The following VMP1 variants were observed in gnomAD, a reference collection of about 807,000 sequenced individuals.
VMP1 encodes ectopic P-granules autophagy protein 3 homolog.
VMP1 carries 11 observed loss-of-function variants against 56.0 expected under a neutral mutation model. That is an observed-to-expected ratio of 0.20 (90% CI 0.12 to 0.32). The LOEUF (loss-of-function observed/expected upper bound fraction) is 0.32. Ranked by LOEUF, VMP1 falls within the 10% of genes least tolerant of loss-of-function variation. The pLI, the probability that VMP1 is intolerant of heterozygous loss-of-function variation, is 1.00. For synonymous variants in VMP1, 149 were observed against 165.0 expected (o/e 0.90, Z 0.74); for missense variants, 296 against 490.3 (o/e 0.60, Z 3.74).
chr17:59,817,305 G>T (rs928609147), intron 9 of VMP1, among the ~76,000 whole-genome samples: 3 of 143,836 alleles, frequency 2.1e-5, no homozygotes, highest in Admixed American at 7.0e-5. Context: ...AAAAAAAAAA[G>T]GAATACAAAG....
At chr17:59,734,159 T>G (rs2034933708) in intron 2 of VMP1, among the ~76,000 whole-genome samples, 1 of 152,168 alleles carries the variant, frequency 6.6e-6, no homozygotes, top group East Asian at 1.9e-4. Context: ...CTACAAAAGA[T>G]TCTGATGTTT....
intron 3 of VMP1, 184 bp downstream of exon 3, chr17:59,735,657 A>G: frequency 1.6e-6 from 1 of 628,428 alleles, no homozygotes; most frequent in Non-Finnish European, 2.6e-6. Flanking sequence ...AGGGAAAGAC[A>G]TTGCTATTTG....
chr17:59,791,090 G>A (rs888106297), intron 7 of VMP1, among the ~76,000 whole-genome samples: 9 of 151,236 alleles, frequency 6.0e-5, no homozygotes, highest in African/African-American at 1.9e-4. Flanking sequence ...CCACATAACT[G>A]TACTCATTTT....
At chr17:59,717,667 C>G (rs1349842380) in intron 1 of VMP1, among the ~76,000 whole-genome samples, 1 of 152,180 alleles carries the variant, frequency 6.6e-6, no homozygotes, top group African/African-American at 2.4e-5. Context: ...TGCCTGTAAT[C>G]CCAGCACTTT....
chr17:59,788,806 A>T (rs2037103674), intron 7 of VMP1, among the ~76,000 whole-genome samples: 1 of 146,850 alleles, frequency 6.8e-6, no homozygotes, highest in Non-Finnish European at 1.5e-5. Flanking sequence ...ACTCCATCTA[A>T]AAAAAAAAAA....
Position 59,841,411 on chromosome 17 carries a change from T to A in VMP1, c.*1500T>A, listed in dbSNP as rs2039152973. On this transcript the variant is annotated 3_prime_UTR_variant, in exon 12 of 12. Transcript: ENST00000262291. ...CATTACCCAGCATCATTGTTTATAATCAGAAACTCTGGTCCTTCTGTCTGG... is the reference window on the plus strand; with the variant it reads ...CATTACCCAGCATCATTGTTTATAAACAGAAACTCTGGTCCTTCTGTCTGG... 7.1e-6 allele frequency: 3 copies of A among 422,454 alleles called. No homozygotes were observed. Among genetic ancestry groups the A allele is most frequent in the Admixed American group, 4.1e-5 (2 of 48,414 alleles). 26.2% of individuals were successfully genotyped at this position (422,454 alleles called of 1,614,324 possible).
intron 10 of VMP1, among the ~76,000 whole-genome samples, chr17:59,824,681 TG>T (rs1041367173): frequency 4.0e-5 from 6 of 148,382 alleles, no homozygotes; most frequent in African/African-American, 1.5e-4. Context: ...AAGACCAGCC[TG>T]GCCAACATGG....
chr17:59,840,105 C>T lies in VMP1; in HGVS notation c.*194C>T, dbSNP rs541115112. 10 of 589,038 alleles carry T rather than the reference C, an allele frequency of 1.7e-5. No individual in the cohort carries two copies. Among genetic ancestry groups the T allele is most frequent in the Non-Finnish European group, 2.5e-5 (9 of 355,444 alleles). 36.5% of individuals were successfully genotyped at this position (589,038 alleles called of 1,614,324 possible). A position where few individuals can be genotyped will look rare whatever the true frequency, so the allele number is the denominator to read the frequency against. Reference sequence around the variant, plus strand: ...TGTGCTAAGGTAAGGTATCCACCCTCGATGCAATCCACCTTGTGTTTTCTT... The same window carrying T: ...TGTGCTAAGGTAAGGTATCCACCCTTGATGCAATCCACCTTGTGTTTTCTT... On this transcript the variant is annotated 3_prime_UTR_variant, in exon 12 of 12. Coordinates refer to ENST00000262291, the MANE Select transcript of VMP1 (RefSeq NM_030938.5).
At chr17:59,730,559 C>A (rs1476904662) in intron 1 of VMP1, among the ~76,000 whole-genome samples, 1 of 152,158 alleles carries the variant, frequency 6.6e-6, no homozygotes, top group Non-Finnish European at 1.5e-5. Context: ...GCCACTGCAC[C>A]CGGCCCCAGT....
intron 5 of VMP1, among the ~76,000 whole-genome samples, chr17:59,760,333 A>G (rs1212120321): frequency 6.6e-6 from 1 of 152,014 alleles, no homozygotes; most frequent in Non-Finnish European, 1.5e-5. Context: ...ACTTCCTCAT[A>G]TGTCGTAAAT....
At chr17:59,774,791 A>G (rs896417103) in intron 7 of VMP1, among the ~76,000 whole-genome samples, 9 of 152,062 alleles carry the variant, frequency 5.9e-5, no homozygotes, top group Admixed American at 2.0e-4. Flanking sequence ...AACATAGCTT[A>G]CTGCAGCTTC....
chr17:59,749,860 C>A, intron 5 of VMP1, among the ~76,000 whole-genome samples: 1 of 152,148 alleles, frequency 6.6e-6, no homozygotes, highest in Admixed American at 6.5e-5. Context: ...TGGCCCAGCC[C>A]GTCTACCCAC....
At chr17:59,801,221 A>G (rs1031483265) in intron 7 of VMP1, among the ~76,000 whole-genome samples, 7 of 148,342 alleles carry the variant, frequency 4.7e-5, no homozygotes, top group Non-Finnish European at 8.9e-5. Flanking sequence ...TTATATATTT[A>G]CTATACTATA....
intron 7 of VMP1, among the ~76,000 whole-genome samples, chr17:59,776,845 T>C (rs2036634954): frequency 1.3e-5 from 2 of 152,250 alleles, no homozygotes; most frequent in Admixed American, 6.5e-5. Flanking sequence ...ATTTTTTTGC[T>C]ATGACTTGGA....
intron 5 of VMP1, among the ~76,000 whole-genome samples, chr17:59,757,159 T>C (rs1458479037): frequency 6.6e-6 from 1 of 152,138 alleles, no homozygotes; most frequent in Non-Finnish European, 1.5e-5. Flanking sequence ...GGCACAAGGA[T>C]TTCTTTCTCT....
chr17:59,745,965 G>A (rs534934296), intron 5 of VMP1, among the ~76,000 whole-genome samples: 11 of 152,236 alleles, frequency 7.2e-5, no homozygotes, highest in African/African-American at 2.4e-4. Flanking sequence ...TTCCCAATTA[G>A]GTTTTTGAAA....
intron 7 of VMP1, among the ~76,000 whole-genome samples, chr17:59,780,731 C>T (rs1390618030): frequency 2.0e-5 from 3 of 151,986 alleles, no homozygotes; most frequent in African/African-American, 7.2e-5. Context: ...GGATTATAGG[C>T]GTCCACCACC....
chr17:59,750,399 T>G (rs1219435895), intron 5 of VMP1, among the ~76,000 whole-genome samples: 1 of 151,990 alleles, frequency 6.6e-6, no homozygotes, highest in Non-Finnish European at 1.5e-5. Flanking sequence ...CCTCCTGGGT[T>G]CAGGTGATTC....
intron 5 of VMP1, among the ~76,000 whole-genome samples, chr17:59,756,938 A>G (rs1442417704): frequency 6.6e-6 from 1 of 152,164 alleles, no homozygotes; most frequent in Non-Finnish European, 1.5e-5. Flanking sequence ...AAATGCTACA[A>G]AGTGTGTGAA....
Sources: gnomAD v4.1 joint callset for allele counts (sites outside exome capture counted in the v4.1 genomes callset) on GRCh38, gnomAD v4.1.1 for gene constraint, MANE v1.5 for transcripts, NCBI Gene and HGNC (gene_info 2026-07-23, HGNC 2026-07-21) for gene names.